THSD4: variants seen among roughly 807,000 people sequenced by gnomAD.
THSD4 encodes the protein thrombospondin type-1 domain-containing protein 4.
Under a neutral mutation model 119.0 loss-of-function variants are expected in THSD4, and 69 were observed. The observed-to-expected ratio is 0.58, with a 90% CI of 0.48 to 0.71. THSD4 has a LOEUF of 0.71. THSD4 is among the 30% of genes least tolerant of loss of function. THSD4 has a pLI of 0.00. For synonymous variants in THSD4, 524 were observed against 540.4 expected, an observed-to-expected ratio of 0.97 and a Z score of 0.42; for missense variants, 1,393 against 1,391.1, an observed-to-expected ratio of 1.00 and a Z score of -0.02.
chr15:71,479,878 C>T (rs1366272636), intron 7 of THSD4, among the ~76,000 whole-genome samples: 4 of 152,160 alleles, frequency 2.6e-5, no homozygotes, highest in Admixed American at 2.6e-4. Flanking sequence ...AAAAAGTGAA[C>T]ATATTTATAT....
chr15:71,678,772 T>C (rs997754973), intron 8 of THSD4, among the ~76,000 whole-genome samples: 2 of 152,222 alleles, frequency 1.3e-5, no homozygotes, highest in African/African-American at 4.8e-5. Flanking sequence ...TTAGAAACCA[T>C]ATAAATGTCA....
chr15:71,271,554 C>T (rs2140303979), intron 6 of THSD4, among the ~76,000 whole-genome samples: 1 of 152,318 alleles, frequency 6.6e-6, no homozygotes, highest in Admixed American at 6.5e-5. Context: ...GCATTATATA[C>T]ACATGGGTGT....
At chr15:71,360,506 G>T (rs1026260843) in intron 6 of THSD4, among the ~76,000 whole-genome samples, 3 of 152,046 alleles carry the variant, frequency 2.0e-5, no homozygotes, top group African/African-American at 7.2e-5. Flanking sequence ...AAATATTTTT[G>T]CTTAAAAAAA....
intron 7 of THSD4, among the ~76,000 whole-genome samples, chr15:71,502,350 A>C (rs192706887): frequency 9.3e-4 from 142 of 152,322 alleles, no homozygotes; most frequent in African/African-American, 3.3e-3. Context: ...AAGTTAATCA[A>C]AATTAGGGTG....
At chr15:71,148,890 C>T (rs2040691588) in intron 2 of THSD4, among the ~76,000 whole-genome samples, 1 of 152,156 alleles carries the variant, frequency 6.6e-6, no homozygotes, top group African/African-American at 2.4e-5. Context: ...CTCTTTGCCT[C>T]AAATTCCTCA....
At chr15:71,289,662 G>A (rs1400232114) in intron 6 of THSD4, among the ~76,000 whole-genome samples, 1 of 152,110 alleles carries the variant, frequency 6.6e-6, no homozygotes, top group East Asian at 1.9e-4. Flanking sequence ...TACCTCTTTG[G>A]CTCAAAAGGC....
At chr15:71,741,919 G>A (rs994289053) in intron 11 of THSD4, among the ~76,000 whole-genome samples, 43 of 152,292 alleles carry the variant, frequency 2.8e-4, no homozygotes, top group Admixed American at 2.6e-3. Flanking sequence ...GTGACAAGTG[G>A]CAGCGGCCCG....
chr15:71,257,361 C>T (rs1419943088), intron 6 of THSD4, among the ~76,000 whole-genome samples: 2 of 152,108 alleles, frequency 1.3e-5, no homozygotes, highest in Non-Finnish European at 2.9e-5. Context: ...TCTACCCACC[C>T]CTGGAGAAAG....
intron 8 of THSD4, among the ~76,000 whole-genome samples, chr15:71,685,832 A>G (rs74743712): frequency 6.8e-6 from 1 of 147,974 alleles, no homozygotes; most frequent in African/African-American, 2.5e-5. Context: ...TGAGTAAGAG[A>G]AAAAAAGGCA....
At chr15:71,262,104 G>A (rs1172259157) in intron 6 of THSD4, among the ~76,000 whole-genome samples, 2 of 152,124 alleles carry the variant, frequency 1.3e-5, no homozygotes, top group Non-Finnish European at 2.9e-5. Flanking sequence ...TGCCTACTTA[G>A]GGAAACAGCT....
chr15:71,707,245 G>A (rs1007716903), intron 8 of THSD4, among the ~76,000 whole-genome samples: 6 of 152,174 alleles, frequency 3.9e-5, no homozygotes, highest in Non-Finnish European at 5.9e-5. Context: ...AAAAACAGCC[G>A]TGATGTCCAG....
intron 7 of THSD4, among the ~76,000 whole-genome samples, chr15:71,499,560 T>G (rs1328490365): frequency 6.6e-6 from 1 of 151,774 alleles, no homozygotes; most frequent in East Asian, 1.9e-4. Flanking sequence ...AGTACAATAG[T>G]GTTAATTACT....
chr15:71,763,218 G>A (rs981103213), intron 15 of THSD4, among the ~76,000 whole-genome samples: 2 of 151,722 alleles, frequency 1.3e-5, no homozygotes, highest in Admixed American at 6.6e-5. Flanking sequence ...TGGTTTGGGG[G>A]TTTTATAATT....
chr15:71,124,978 T>C (rs945561744), intron 1 of THSD4, among the ~76,000 whole-genome samples: 2 of 151,874 alleles, frequency 1.3e-5, no homozygotes, highest in African/African-American at 4.8e-5. Flanking sequence ...GAGGCTAAAG[T>C]AGGAGAATTG....
At chr15:71,773,463 C>T (rs2053860809) in intron 17 of THSD4, among the ~76,000 whole-genome samples, 1 of 152,106 alleles carries the variant, frequency 6.6e-6, no homozygotes, top group South Asian at 2.1e-4. Context: ...CTGTTTTTGT[C>T]TTCTGTATTT....
intron 7 of THSD4, among the ~76,000 whole-genome samples, chr15:71,483,398 C>G (rs796741243): frequency 1.3e-4 from 20 of 152,212 alleles, no homozygotes; most frequent in African/African-American, 4.8e-4. Context: ...TTTCTCCTAT[C>G]AAGGCTTGTT....
At chr15:71,337,836 G>A (rs557350223) in intron 6 of THSD4, among the ~76,000 whole-genome samples, 5 of 152,254 alleles carry the variant, frequency 3.3e-5, no homozygotes, top group Admixed American at 6.5e-5. Context: ...GCAATGTGAT[G>A]TAGGCAGAAA....
Position 71,758,629 on chromosome 15 carries a change from G to T in THSD4, c.2589+554G>T, listed in dbSNP as rs1016124417. On this transcript the variant is annotated intron_variant, in intron 15 of 17. Coordinates refer to ENST00000261862, the MANE Select transcript of THSD4 (RefSeq NM_024817.3). ...CCCTCACTCTTCCAAAATTGAACGT[G>T]AACCCCACTAAGAAAATGTGGAAAT... is the stretch of plus-strand genomic sequence containing the variant. Among the ~76,000 whole-genome samples, 26 of 152,266 alleles carry T rather than the reference G, an allele frequency of 1.7e-4. 1 individual carries two copies. Among genetic ancestry groups the T allele is most frequent in the Admixed American group, 1.6e-3 (24 of 15,308 alleles).
chr15:71,407,720 A>G (rs1029887444), intron 6 of THSD4, among the ~76,000 whole-genome samples: 3 of 152,166 alleles, frequency 2.0e-5, no homozygotes, highest in Non-Finnish European at 4.4e-5. Flanking sequence ...TGGGATCTGA[A>G]TATCTTTGAT....
Sources: allele counts gnomAD v4.1 joint callset (sites outside exome capture counted in the v4.1 genomes callset), GRCh38; gene constraint gnomAD v4.1.1; transcripts MANE v1.5; gene names NCBI Gene and HGNC (gene_info 2026-07-23, HGNC 2026-07-21).